Variants in TM7SF3 observed in about 807,000 individuals in gnomAD.
The protein encoded by TM7SF3 is seven span transmembrane protein.
Under a neutral mutation model 65.5 loss-of-function variants are expected in TM7SF3, and 60 were observed. That is an observed-to-expected ratio of 0.92 (90% CI 0.74 to 1.14). The LOEUF (loss-of-function observed/expected upper bound fraction) is 1.14. Ranked by LOEUF, TM7SF3 falls within the 50% of genes most tolerant of loss-of-function variation. The probability of loss-of-function intolerance (pLI) is 0.00; values close to 1 mark genes in which losing one functional copy is unlikely to be tolerated. For synonymous variants in TM7SF3, 264 were observed against 259.6 expected, an observed-to-expected ratio of 1.02 and a Z score of -0.16; for missense variants, 623 against 684.8, an observed-to-expected ratio of 0.91 and a Z score of 1.01.
At chr12:26,985,637 AAAAAAAAAAAAAAAAATATAT>A (rs1940022990) in intron 6 of TM7SF3, among the ~76,000 whole-genome samples, 4 of 51,614 alleles carry the variant, frequency 7.7e-5, no homozygotes, top group Admixed American at 2.2e-4. Context: ...AAAAAAAAAA[AAAAAAAAAAAAAAAAATATAT>A]ATATATATAT....
In TM7SF3 at chr12:26,996,849, T is replaced by C; in HGVS notation, c.411A>G (p.Gly137=). ...LSYSERDPVP[G]GCNLEFDLDI... is the part of the protein sequence containing the mutation. The stretch of plus-strand genomic sequence containing the variant: ...CTAAATCGAACTCCAAATTACAGCC[T>C]CCAGGGACAGGATCTGGATAAGAAA... Residue 137 remains glycine (G), a synonymous_variant, in exon 4 of 12, where the codon GGA becomes GGG. Transcript: ENST00000343028. The C allele has an allele frequency of 6.2e-7, 1 of 1,611,364 alleles. No individual in the cohort carries two copies. Among genetic ancestry groups the C allele is most frequent in the African/African-American group, 1.3e-5 (1 of 74,784 alleles).
At chr12:26,993,844 C>A (rs1940478400) in intron 5 of TM7SF3, among the ~76,000 whole-genome samples, 1 of 152,216 alleles carries the variant, frequency 6.6e-6, no homozygotes, top group Admixed American at 6.5e-5. Flanking sequence ...AGCTAAATTT[C>A]TTTATCAATT....
chr12:27,011,201 C>T (rs1298837622), intron 1 of TM7SF3, among the ~76,000 whole-genome samples: 8 of 152,186 alleles, frequency 5.3e-5, no homozygotes, highest in African/African-American at 1.7e-4. Context: ...TAGAGAAAGA[C>T]AGCACTTGCA....
chr12:26,975,700 AC>A (rs764720033), intron 10 of TM7SF3, 42 bp from the exon 11 acceptor site: 1 of 1,602,982 alleles, frequency 6.2e-7, no homozygotes. Context: ...CCATGTTAGA[AC>A]AAAAATAGTT....
intron 6 of TM7SF3, 115 bp from the exon 7 acceptor site, chr12:26,982,974 A>G (rs1241786670): frequency 1.5e-6 from 1 of 683,020 alleles, no homozygotes; most frequent in Admixed American, 3.4e-5. Flanking sequence ...TTTATCCCAT[A>G]CATGTATATT....
intron 1 of TM7SF3, among the ~76,000 whole-genome samples, chr12:27,006,957 T>C (rs990879251): frequency 6.6e-6 from 1 of 152,220 alleles, no homozygotes; most frequent in African/African-American, 2.4e-5. Context: ...AGAAAGCGTA[T>C]GTGTCAGGCA....
chr12:26,996,593 A>C, intron 4 of TM7SF3, 149 bp downstream of exon 4: 1 of 729,424 alleles, frequency 1.4e-6, no homozygotes, highest in Non-Finnish European at 2.2e-6. Context: ...CCAAATATTA[A>C]TAGTGAAGTT....
intron 5 of TM7SF3, among the ~76,000 whole-genome samples, chr12:26,994,159 A>C (rs1201777145): frequency 6.6e-6 from 1 of 152,204 alleles, no homozygotes; most frequent in African/African-American, 2.4e-5. Flanking sequence ...TTAAAATGTC[A>C]TATCTAATAA....
Position 26,971,705 on chromosome 12 carries a change from T to C in TM7SF3, c.*2260A>G, listed in dbSNP as rs998364114. 6.6e-6 allele frequency: 1 copy of C among 152,196 alleles called. No individual in the cohort carries two copies. Among genetic ancestry groups the C allele is most frequent in the African/African-American group, 2.4e-5 (1 of 41,452 alleles). The allele number at this position is 152,196 out of a possible 1,614,324, so 9.4% of individuals were successfully genotyped here. On this transcript the variant is annotated 3_prime_UTR_variant, in exon 12 of 12. Coordinates refer to ENST00000343028, the MANE Select transcript of TM7SF3 (RefSeq NM_016551.3). ...TGTGTTCTGTCTTTACAGTCTTCACTGGCAGTGCATTCAGATAGTATAGAA... is the reference window on the plus strand; with the variant it reads ...TGTGTTCTGTCTTTACAGTCTTCACCGGCAGTGCATTCAGATAGTATAGAA...
chr12:26,975,117 G>A (rs1432274407), intron 11 of TM7SF3, among the ~76,000 whole-genome samples: 1 of 152,020 alleles, frequency 6.6e-6, no homozygotes, highest in Admixed American at 6.6e-5. Flanking sequence ...ATTAAAGGAG[G>A]GAAACAAGGG....
At chr12:27,008,909 C>A (rs1375245163) in intron 1 of TM7SF3, among the ~76,000 whole-genome samples, 1 of 152,134 alleles carries the variant, frequency 6.6e-6, no homozygotes, top group Admixed American at 6.5e-5. Flanking sequence ...TTAATGAGTA[C>A]AATGTACATA....
intron 1 of TM7SF3, among the ~76,000 whole-genome samples, chr12:27,010,451 A>G (rs1163007796): frequency 6.6e-6 from 1 of 152,260 alleles, no homozygotes; most frequent in Non-Finnish European, 1.5e-5. Flanking sequence ...AAAGATACTG[A>G]AAGTCAAGAC....
intron 1 of TM7SF3, among the ~76,000 whole-genome samples, chr12:27,005,358 C>T (rs1438910392): frequency 6.6e-6 from 1 of 152,140 alleles, no homozygotes; most frequent in Non-Finnish European, 1.5e-5. Context: ...ATAAGGTACT[C>T]ATGGACTAGG....
chr12:27,003,527 T>A, intron 1 of TM7SF3, 137 bp from the exon 2 acceptor site: 1 of 785,136 alleles, frequency 1.3e-6, no homozygotes, highest in Non-Finnish European at 2.0e-6. Flanking sequence ...CCTATTTCAC[T>A]GCTAAAGACA....
intron 5 of TM7SF3, among the ~76,000 whole-genome samples, chr12:26,993,083 T>C (rs1565878743): frequency 6.6e-6 from 1 of 152,006 alleles, no homozygotes; most frequent in Non-Finnish European, 1.5e-5. Context: ...TTTTGGTTTT[T>C]TTAGTGGCTG....
intron 1 of TM7SF3, among the ~76,000 whole-genome samples, chr12:27,006,278 C>T (rs764695921): frequency 1.8e-4 from 28 of 151,494 alleles, no homozygotes; most frequent in Non-Finnish European, 5.9e-5. Flanking sequence ...CCTGGGATTA[C>T]AGGCATGTGC....
In TM7SF3 at chr12:26,982,830, G is replaced by C; in HGVS notation, c.898C>G (p.Leu300Val). ...GRVSSKVFFT[L>V]FALLGFFICF... ...ATGAAGAAACCAAGCAGGGCAAAAA[G>C]AGTGAAGAACACTTTGGAAGACACT... Residue 300 changes from leucine to valine, a missense_variant, in exon 7 of 12, where the codon CTT becomes GTT. Coordinates refer to ENST00000343028, the MANE Select transcript of TM7SF3 (RefSeq NM_016551.3). 1 of 1,609,716 alleles carries C rather than the reference G, an allele frequency of 6.2e-7. No homozygotes were observed. The highest frequency in any genetic ancestry group is 1.1e-5 in the South Asian group (1 of 89,922).
intron 6 of TM7SF3, among the ~76,000 whole-genome samples, chr12:26,988,570 A>G (rs2136405060): frequency 6.6e-6 from 1 of 152,246 alleles, no homozygotes; most frequent in South Asian, 2.1e-4. Context: ...CGTAATTTTG[A>G]TAATTTTACT....
intron 1 of TM7SF3, among the ~76,000 whole-genome samples, chr12:27,004,385 T>C (rs1940951510): frequency 6.6e-6 from 1 of 152,128 alleles, no homozygotes; most frequent in Admixed American, 6.5e-5. Context: ...AGACAAAAGA[T>C]TTAGATTAAA....
Sources: gnomAD v4.1 joint callset for allele counts (sites outside exome capture counted in the v4.1 genomes callset) on GRCh38, gnomAD v4.1.1 for gene constraint, MANE v1.5 for transcripts, NCBI Gene and HGNC (gene_info 2026-07-23, HGNC 2026-07-21) for gene names.